The following ALOX5AP variants were observed in gnomAD, a reference collection of about 807,000 sequenced individuals.
The protein encoded by ALOX5AP is arachidonate 5-lipoxygenase activating protein.
A neutral mutation model predicts 18.5 loss-of-function variants in ALOX5AP; 9 were observed. That is an observed-to-expected ratio of 0.49 (90% CI 0.29 to 0.85). The LOEUF is 0.85. Ranked by LOEUF, ALOX5AP falls within the 40% of genes least tolerant of loss-of-function variation. ALOX5AP has a pLI of 0.08. For missense variants in ALOX5AP, 172 were observed against 202.5 expected (o/e 0.85, Z 0.91); for synonymous variants, 81 against 78.6 (o/e 1.03, Z -0.16).
intron 1 of ALOX5AP, among the ~76,000 whole-genome samples, chr13:30,722,930 G>T (rs576428817): frequency 1.1e-4 from 17 of 152,246 alleles, no homozygotes; most frequent in African/African-American, 4.1e-4. Context: ...GATTTCTGAG[G>T]CCTCACCAGA....
intron 4 of ALOX5AP, among the ~76,000 whole-genome samples, chr13:30,758,491 C>T (rs757721806): frequency 3.3e-5 from 5 of 152,204 alleles, no homozygotes; most frequent in Admixed American, 2.0e-4. Context: ...CCAGCCCTGT[C>T]CGCTTAGGAA....
chr13:30,751,720 A>G (rs949425016), intron 2 of ALOX5AP, among the ~76,000 whole-genome samples: 2 of 152,168 alleles, frequency 1.3e-5, no homozygotes. Context: ...CTCTGTCTGC[A>G]TTGCTCACTC....
chr13:30,727,651 G>T (rs1183990195), intron 1 of ALOX5AP, among the ~76,000 whole-genome samples: 1 of 152,084 alleles, frequency 6.6e-6, no homozygotes, highest in Non-Finnish European at 1.5e-5. Flanking sequence ...TAGGTCAGTG[G>T]GTGAGTTCAC....
At chr13:30,763,871 G>A (rs1019595116) in intron 4 of ALOX5AP, 73 bp from the exon 5 acceptor site, 23 of 1,420,710 alleles carry the variant, frequency 1.6e-5, no homozygotes, top group Non-Finnish European at 1.6e-5. Context: ...TCTAAAAGGG[G>A]TAACATTTTT....
intron 1 of ALOX5AP, among the ~76,000 whole-genome samples, chr13:30,736,499 A>G (rs1951722921): frequency 6.6e-6 from 1 of 152,228 alleles, no homozygotes; most frequent in African/African-American, 2.4e-5. Context: ...ATATTTATTA[A>G]GATAGAGAAA....
chr13:30,722,059 C>T (rs1951598444), intron 1 of ALOX5AP, among the ~76,000 whole-genome samples: 1 of 152,232 alleles, frequency 6.6e-6, no homozygotes, highest in South Asian at 2.1e-4. Flanking sequence ...TTGCATTCCT[C>T]ATCTTTTCTG....
At chr13:30,762,760 G>T (rs1446056216) in intron 4 of ALOX5AP, among the ~76,000 whole-genome samples, 3 of 152,160 alleles carry the variant, frequency 2.0e-5, no homozygotes, top group African/African-American at 7.2e-5. Flanking sequence ...GGGCTGAGCT[G>T]GCTCATCTTG....
intron 1 of ALOX5AP, among the ~76,000 whole-genome samples, chr13:30,717,172 G>A (rs373141156): frequency 3.9e-4 from 59 of 152,338 alleles, no homozygotes; most frequent in African/African-American, 1.2e-3. Context: ...CAGGCAGGAC[G>A]TTCCAAAGCC....
chr13:30,718,427 C>CAACTACACACT (rs1468505174), intron 1 of ALOX5AP, among the ~76,000 whole-genome samples: 2 of 147,674 alleles, frequency 1.4e-5, no homozygotes, highest in Non-Finnish European at 3.0e-5. Context: ...AATAACTCCA[C>CAACTACACACT]AACTACACAC....
intron 2 of ALOX5AP, among the ~76,000 whole-genome samples, chr13:30,745,816 T>G (rs1329897313): frequency 6.6e-6 from 1 of 152,114 alleles, no homozygotes; most frequent in Non-Finnish European, 1.5e-5. Flanking sequence ...AGGTCAAAAC[T>G]TCTCCCCAGA....
chr13:30,725,438 A>T (rs1341044887), intron 1 of ALOX5AP, among the ~76,000 whole-genome samples: 1 of 152,244 alleles, frequency 6.6e-6, no homozygotes, highest in Non-Finnish European at 1.5e-5. Context: ...TACATATATC[A>T]TGGCCATGGG....
At chr13:30,745,081 C>A (rs1951798804) in intron 2 of ALOX5AP, among the ~76,000 whole-genome samples, 2 of 152,218 alleles carry the variant, frequency 1.3e-5, no homozygotes, top group African/African-American at 4.8e-5. Flanking sequence ...CCTGGGCTTG[C>A]TGCTGGCACC....
At chr13:30,755,519 C>A (rs1951885962) in intron 3 of ALOX5AP, among the ~76,000 whole-genome samples, 1 of 152,146 alleles carries the variant, frequency 6.6e-6, no homozygotes, top group Admixed American at 6.5e-5. Flanking sequence ...ACCTTGGAAA[C>A]CAGGAGTGTC....
At chr13:30,727,200 C>T (rs1004135957) in intron 1 of ALOX5AP, among the ~76,000 whole-genome samples, 2 of 151,718 alleles carry the variant, frequency 1.3e-5, no homozygotes, top group Non-Finnish European at 2.9e-5. Context: ...ATTATAGGTG[C>T]GCCAGGTTAA....
intron 1 of ALOX5AP, among the ~76,000 whole-genome samples, chr13:30,714,197 GCTAA>G: frequency 1.1e-5 from 1 of 91,664 alleles, no homozygotes; most frequent in Admixed American, 1.4e-4. Context: ...TGATGGATGT[GCTAA>G]CTTTCAAAAA....
At chr13:30,723,324 GT>G (rs1377189292) in intron 1 of ALOX5AP, among the ~76,000 whole-genome samples, 1 of 152,212 alleles carries the variant, frequency 6.6e-6, no homozygotes, top group Non-Finnish European at 1.5e-5. Context: ...GCATGTGGAT[GT>G]CCAGTTGTTC....
chr13:30,757,608 A>G (rs887453105), intron 4 of ALOX5AP, among the ~76,000 whole-genome samples: 7 of 152,082 alleles, frequency 4.6e-5, no homozygotes, highest in African/African-American at 9.7e-5. Flanking sequence ...CTGGCTCCCT[A>G]TGCAGCCCTA....
intron 1 of ALOX5AP, among the ~76,000 whole-genome samples, chr13:30,736,384 C>A (rs1236738851): frequency 1.3e-5 from 2 of 152,056 alleles, no homozygotes; most frequent in Non-Finnish European, 2.9e-5. Flanking sequence ...AAGCAGGATA[C>A]CTAGATCTGG....
intron 1 of ALOX5AP, chr13:30,742,597 G>A (rs1951775759): frequency 1.3e-5 from 2 of 152,144 alleles, no homozygotes; most frequent in South Asian, 4.1e-4. Flanking sequence ...CTTTACGTAA[G>A]AGAGCCCTAC....
Sources: allele counts gnomAD v4.1 joint callset (sites outside exome capture counted in the v4.1 genomes callset), GRCh38; gene constraint gnomAD v4.1.1; transcripts MANE v1.5; gene names NCBI Gene and HGNC (gene_info 2026-07-23, HGNC 2026-07-21).